SPATS2L: variants seen among roughly 807,000 people sequenced by gnomAD.
The protein encoded by SPATS2L is spermatogenesis associated serine rich 2 like.
In SPATS2L, 30 loss-of-function variants were observed where a neutral mutation model predicts 59.6. That is an observed-to-expected ratio of 0.50 (90% confidence interval 0.38 to 0.68). The LOEUF is 0.68. Among genes scored for constraint, SPATS2L ranks in the 30% least tolerant of loss-of-function variants. The pLI is 0.00. For missense variants in SPATS2L, 615 were observed against 700.0 expected (o/e 0.88, Z 1.37); for synonymous variants, 252 against 263.5 (o/e 0.96, Z 0.42).
rs1331612975 is a variant in SPATS2L at position 200,329,457 on chromosome 2, A to G, written c.-46A>G. 10 of 1,550,448 alleles carry G rather than the reference A, an allele frequency of 6.4e-6. No individual in the cohort carries two copies. Among genetic ancestry groups the G allele is most frequent in the East Asian group, 2.4e-5 (1 of 40,934 alleles). Reference sequence around the variant, plus strand: ...GCTCTTCAGAAACCAGGCTGCTTTCAGGAACATTGCTGTGGATTCCCAGGT... The same window carrying G: ...GCTCTTCAGAAACCAGGCTGCTTTCGGGAACATTGCTGTGGATTCCCAGGT... On this transcript the variant is annotated 5_prime_UTR_variant, in exon 2 of 13. Coordinates refer to ENST00000409140, the MANE Select transcript of SPATS2L (RefSeq NM_001100423.2).
At chr2:200,315,381 A>G (rs1373227624) in intron 1 of SPATS2L, among the ~76,000 whole-genome samples, 1 of 152,156 alleles carries the variant, frequency 6.6e-6, no homozygotes, top group African/African-American at 2.4e-5. Context: ...TTCTCGTGGT[A>G]TGGTAGAGGA....
At chr2:200,395,419 GACCCAGTAC>G (rs2082299456) in intron 3 of SPATS2L, among the ~76,000 whole-genome samples, 1 of 152,176 alleles carries the variant, frequency 6.6e-6, no homozygotes, top group Admixed American at 6.5e-5. Flanking sequence ...CACTTTAGAG[GACCCAGTAC>G]ACTTGGGAAG....
chr2:200,346,029 C>T (rs1243448498), intron 2 of SPATS2L, among the ~76,000 whole-genome samples: 1 of 152,208 alleles, frequency 6.6e-6, no homozygotes, highest in East Asian at 1.9e-4. Flanking sequence ...TGTCTGTCTA[C>T]AAACCCTGGA....
intron 6 of SPATS2L, among the ~76,000 whole-genome samples, chr2:200,427,825 G>A (rs2083667420): frequency 6.6e-6 from 1 of 152,102 alleles, no homozygotes; most frequent in South Asian, 2.1e-4. Flanking sequence ...ATAGAAGAAT[G>A]ATGAAACTTG....
chr2:200,328,217 C>T (rs1382399931), intron 1 of SPATS2L, among the ~76,000 whole-genome samples: 1 of 152,066 alleles, frequency 6.6e-6, no homozygotes, highest in Non-Finnish European at 1.5e-5. Flanking sequence ...CTGCATTCTT[C>T]CCTTGTCTTC....
chr2:200,447,246 G>A (rs1380951103), intron 8 of SPATS2L, among the ~76,000 whole-genome samples: 1 of 152,172 alleles, frequency 6.6e-6, no homozygotes, highest in East Asian at 1.9e-4. Context: ...TTTGACTTCA[G>A]CCAGGGAGCA....
intron 4 of SPATS2L, among the ~76,000 whole-genome samples, chr2:200,415,188 A>T (rs1462760465): frequency 6.6e-6 from 1 of 152,212 alleles, no homozygotes; most frequent in African/African-American, 2.4e-5. Context: ...GTGCAGTCTT[A>T]TTATTTCAAG....
chr2:200,390,697 T>G (rs1235282102), intron 3 of SPATS2L: 1 of 152,200 alleles, frequency 6.6e-6, no homozygotes, highest in Non-Finnish European at 1.5e-5. Context: ...AGAATACCAC[T>G]TAGAATCCTG....
intron 3 of SPATS2L, chr2:200,393,353 T>C: frequency 2.2e-6 from 1 of 456,722 alleles, no homozygotes; most frequent in Non-Finnish European, 4.4e-6. Flanking sequence ...TAGGCTGATC[T>C]GTTAGCACAC....
intron 2 of SPATS2L, among the ~76,000 whole-genome samples, chr2:200,351,463 G>A (rs1475225639): frequency 2.0e-5 from 3 of 151,974 alleles, no homozygotes; most frequent in African/African-American, 4.8e-5. Flanking sequence ...TTGTTTTGCC[G>A]AGAACTAAAC....
chr2:200,364,248 C>G (rs1001950958), intron 2 of SPATS2L, among the ~76,000 whole-genome samples: 2 of 152,116 alleles, frequency 1.3e-5, no homozygotes, highest in Non-Finnish European at 2.9e-5. Flanking sequence ...TATTTTAAGC[C>G]ACTAAATGTG....
At chr2:200,393,336 G>A (rs989366127) in intron 3 of SPATS2L, 26 of 456,606 alleles carry the variant, frequency 5.7e-5, no homozygotes, top group Non-Finnish European at 4.4e-6. Flanking sequence ...ATGCCAATGA[G>A]GGAAAATAGG....
chr2:200,460,239 CT>C (rs35239125), intron 9 of SPATS2L, among the ~76,000 whole-genome samples: 3 of 152,094 alleles, frequency 2.0e-5, no homozygotes, highest in African/African-American at 7.2e-5. Flanking sequence ...TTTACTAGTT[CT>C]TTTTTAGGTT....
chr2:200,445,455 A>G (rs1350274241), intron 8 of SPATS2L, among the ~76,000 whole-genome samples: 1 of 152,250 alleles, frequency 6.6e-6, no homozygotes, highest in Non-Finnish European at 1.5e-5. Context: ...AATCACACAC[A>G]GATTATCAAT....
intron 1 of SPATS2L, among the ~76,000 whole-genome samples, chr2:200,308,323 G>A (rs1165330473): frequency 6.6e-6 from 1 of 151,978 alleles, no homozygotes; most frequent in East Asian, 1.9e-4. Flanking sequence ...TAGGCCTTAT[G>A]AAATTGTGTT....
At chr2:200,438,359 T>C (rs779350523) in intron 6 of SPATS2L, among the ~76,000 whole-genome samples, 114 of 152,276 alleles carry the variant, frequency 7.5e-4, no homozygotes, top group Admixed American at 1.6e-3. Context: ...CACCCAAAAC[T>C]TTCTCTGGTA....
At chr2:200,376,062 CTT>C (rs2081588138) in intron 2 of SPATS2L, among the ~76,000 whole-genome samples, 1 of 152,178 alleles carries the variant, frequency 6.6e-6, no homozygotes, top group Non-Finnish European at 1.5e-5. Flanking sequence ...TTATTCCTTT[CTT>C]TCCATGTGTC....
chr2:200,435,204 G>A (rs934290014), intron 6 of SPATS2L, among the ~76,000 whole-genome samples: 1 of 152,080 alleles, frequency 6.6e-6, no homozygotes, highest in Non-Finnish European at 1.5e-5. Context: ...TTGAATCCTT[G>A]AATCAGAAAC....
chr2:200,386,466 C>T (rs1040939847), intron 2 of SPATS2L, among the ~76,000 whole-genome samples: 1 of 152,122 alleles, frequency 6.6e-6, no homozygotes, highest in Admixed American at 6.5e-5. Flanking sequence ...AGCGTGTGTG[C>T]GTGTATGTTT....
Sources: gnomAD v4.1 joint callset for allele counts (sites outside exome capture counted in the v4.1 genomes callset) on GRCh38, gnomAD v4.1.1 for gene constraint, MANE v1.5 for transcripts, NCBI Gene and HGNC (gene_info 2026-07-23, HGNC 2026-07-21) for gene names.